PYGB: variants seen among roughly 807,000 people sequenced by gnomAD.
PYGB encodes glycogen phosphorylase, brain form.
Under a neutral mutation model 94.3 loss-of-function variants are expected in PYGB, and 82 were observed. The ratio of observed to expected loss-of-function variants is 0.87; its 90% confidence interval spans 0.73 to 1.04. PYGB has a LOEUF of 1.04. Among genes scored for constraint, PYGB ranks in the 50% least tolerant of loss-of-function variants. PYGB has a pLI of 0.00. For missense variants in PYGB, 1,132 were observed against 1,158.2 expected (o/e 0.98, Z 0.33); for synonymous variants, 488 against 479.1 (o/e 1.02, Z -0.24).
At position 25,278,550 on chromosome 20, in the gene PYGB, C is replaced by T. The variant is rs2088335953; in HGVS notation, c.999+88C>T. On this transcript the variant is annotated intron_variant, in intron 8 of 19. Coordinates refer to ENST00000216962, the MANE Select transcript of PYGB (RefSeq NM_002862.4). ...TTGCTTTCTCATGTCCCAAAAGGGG[C>T]TAGAGTGGAATGGTACATGCCCCTT... The T allele has an allele frequency of 1.6e-5, 25 of 1,536,970 alleles. No homozygotes were observed. The South Asian group carries it at 3.0e-4, about 19-fold the overall frequency.
chr20:25,264,777 C>T (rs1188161925), intron 2 of PYGB, among the ~76,000 whole-genome samples: 1 of 152,124 alleles, frequency 6.6e-6, no homozygotes, highest in African/African-American at 2.4e-5. Flanking sequence ...AAATAAAGGA[C>T]GACACAAACA....
At chr20:25,295,281 C>G (rs1049920672) in intron 18 of PYGB, among the ~76,000 whole-genome samples, 6 of 152,270 alleles carry the variant, frequency 3.9e-5, no homozygotes, top group African/African-American at 1.4e-4. Context: ...CACTGTCTGC[C>G]CAGGAGGCCT....
intron 18 of PYGB, chr20:25,294,912 T>A: frequency 6.5e-7 from 1 of 1,543,264 alleles, no homozygotes; most frequent in African/African-American, 1.5e-5. Context: ...TTCAGCTGCC[T>A]TTGGGTTAGT....
intron 2 of PYGB, among the ~76,000 whole-genome samples, chr20:25,268,696 G>A (rs566359280): frequency 6.6e-6 from 1 of 152,336 alleles, no homozygotes; most frequent in South Asian, 2.1e-4. Flanking sequence ...ATGGCTTTAA[G>A]TGTCAATCGT....
intron 12 of PYGB, among the ~76,000 whole-genome samples, chr20:25,282,425 G>T (rs1427659853): frequency 1.3e-5 from 2 of 152,246 alleles, no homozygotes; most frequent in East Asian, 1.9e-4. Context: ...CTGCAAAAGA[G>T]TCAAGAGGCA....
chr20:25,284,904 AC>A (rs1415022096), intron 14 of PYGB: 1 of 152,142 alleles, frequency 6.6e-6, no homozygotes, highest in Non-Finnish European at 1.5e-5. Context: ...TGAAACAGAG[AC>A]CCCCAAAGGT....
At chr20:25,276,373 C>G in intron 5 of PYGB, among the ~76,000 whole-genome samples, 1 of 152,062 alleles carries the variant, frequency 6.6e-6, no homozygotes, top group East Asian at 1.9e-4. Context: ...AAAGCCATTC[C>G]TGAGGAAGGT....
At chr20:25,265,289 T>C (rs553951192) in intron 2 of PYGB, among the ~76,000 whole-genome samples, 2 of 152,308 alleles carry the variant, frequency 1.3e-5, no homozygotes, top group African/African-American at 4.8e-5. Flanking sequence ...TTCTTAATTT[T>C]TTTTTTGGAA....
intron 19 of PYGB, among the ~76,000 whole-genome samples, chr20:25,296,100 CG>C (rs1287371570): frequency 1.3e-5 from 2 of 152,118 alleles, no homozygotes; most frequent in African/African-American, 4.8e-5. Context: ...CTATCCCTAT[CG>C]TCGTCCTGGG....
At chr20:25,294,317 T>G (rs13043183) in intron 18 of PYGB, 25 bp downstream of exon 18, 395,132 of 871,900 alleles carry the variant, frequency 0.45, 59,170 homozygotes, top group Non-Finnish European at 0.51. Context: ...CCTGGTTGGG[T>G]GGCTGGGAGG....
intron 11 of PYGB, 125 bp downstream of exon 11, chr20:25,281,237 TCCA>T: frequency 7.7e-7 from 1 of 1,299,256 alleles, no homozygotes; most frequent in South Asian, 1.4e-5. Context: ...GGCCCCTGCC[TCCA>T]TAGGAATGAC....
At position 25,296,396 on chromosome 20, in the gene PYGB, C is replaced by T; in HGVS notation, c.2406C>T (p.Val802=). The change falls in exon 20 of 20, where the codon GTC becomes GTT. Residue 802 remains valine, a synonymous_variant. Coordinates refer to ENST00000216962, the MANE Select transcript of PYGB (RefSeq NM_002862.4). ...YRNPKEWTKK[V]IRNIACSGKF... ...ACCCCAAGGAGTGGACCAAGAAGGT[C>T]ATCAGGAACATCGCCTGCTCGGGCA... The T allele has an allele frequency of 6.2e-7, 1 of 1,614,090 alleles. No homozygotes were observed. The highest frequency in any genetic ancestry group is 8.5e-7 in the Non-Finnish European group (1 of 1,180,034).
intron 14 of PYGB, among the ~76,000 whole-genome samples, chr20:25,287,904 C>A (rs565197587): frequency 1.3e-5 from 2 of 152,212 alleles, no homozygotes; most frequent in African/African-American, 4.8e-5. Flanking sequence ...TTGCTTGAAC[C>A]TGGAAGGTAG....
At chr20:25,275,157 C>T (rs1004274692) in intron 5 of PYGB, among the ~76,000 whole-genome samples, 4 of 152,258 alleles carry the variant, frequency 2.6e-5, no homozygotes, top group African/African-American at 9.6e-5. Flanking sequence ...GGCCTCCTGG[C>T]GCCATACGTG....
chr20:25,280,277 C>T lies in PYGB; in HGVS notation c.1104C>T (p.Ile368=), dbSNP rs2088353535. The part of the protein sequence containing the change: ...EKVDWDKAWE[I]TKKTCAYTNH... ...CTCTAATGGCCTAGGCCTGGGAAAT[C>T]ACGAAGAAGACCTGTGCATACACCA... The change falls in exon 10 of 20, where the codon ATC becomes ATT. Residue 368 remains isoleucine (I), a synonymous_variant. Transcript: ENST00000216962. The T allele has an allele frequency of 6.2e-7, 1 of 1,613,956 alleles. No homozygotes were observed. Among genetic ancestry groups the T allele is most frequent in the Admixed American group, 1.7e-5 (1 of 60,000 alleles).
chr20:25,248,736 T>G (rs184655190), intron 1 of PYGB, among the ~76,000 whole-genome samples: 140 of 148,414 alleles, frequency 9.4e-4, no homozygotes, highest in African/African-American at 3.7e-3. Flanking sequence ...GCCGTGCGCT[T>G]CCGCGCTGGC....
chr20:25,275,379 G>A (rs1387845326), intron 5 of PYGB, among the ~76,000 whole-genome samples: 2 of 152,248 alleles, frequency 1.3e-5, no homozygotes, highest in Non-Finnish European at 2.9e-5. Flanking sequence ...CTGTAAGCCG[G>A]GATGACTGGG....
rs188576762 is a variant in PYGB at position 25,266,733 on chromosome 20, A to G, written c.346-2396A>G. 6.1e-3 allele frequency among the ~76,000 whole-genome samples: 931 copies of G among 152,350 alleles called. 12 individuals carry two copies. The highest frequency in any genetic ancestry group is 0.022 in the African/African-American group (897 of 41,574). ...AAAAGACTTGGATGTTTCTCCAAAG[A>G]TGATATCCACATAGCACAAAAAGAT... On this transcript the variant is annotated intron_variant, in intron 2 of 19. Transcript: ENST00000216962.
intron 2 of PYGB, among the ~76,000 whole-genome samples, chr20:25,264,401 CAT>C (rs2123533262): frequency 6.6e-6 from 1 of 152,276 alleles, no homozygotes; most frequent in Non-Finnish European, 1.5e-5. Flanking sequence ...TCCTATTCAA[CAT>C]AGTGTTGGAA....
Sources: allele counts gnomAD v4.1 joint callset (sites outside exome capture counted in the v4.1 genomes callset), GRCh38; gene constraint gnomAD v4.1.1; transcripts MANE v1.5; gene names NCBI Gene and HGNC (gene_info 2026-07-23, HGNC 2026-07-21).